Variants in TENM2 observed in about 807,000 individuals in gnomAD.
TENM2 encodes teneurin-2.
Under a neutral mutation model 245.2 loss-of-function variants are expected in TENM2, and 52 were observed. The observed-to-expected ratio is 0.21, with a 90% CI of 0.17 to 0.27. TENM2 has a LOEUF of 0.27. TENM2 is among the 10% of genes least tolerant of loss of function. The pLI, the probability that TENM2 is intolerant of heterozygous loss-of-function variation, is 1.00. For missense variants in TENM2, 3,046 were observed against 3,666.8 expected, an observed-to-expected ratio of 0.83 and a Z score of 4.37; for synonymous variants, 1,363 against 1,438.9, an observed-to-expected ratio of 0.95 and a Z score of 1.19.
chr5:167,508,839 G>A (rs78590614), intron 2 of TENM2, among the ~76,000 whole-genome samples: 1 of 151,862 alleles, frequency 6.6e-6, no homozygotes, highest in Non-Finnish European at 1.5e-5. Context: ...TACATTTTTT[G>A]AGACAGAGTC....
the TENM2 span, among the ~76,000 whole-genome samples, chr5:167,113,167 G>A: frequency 6.6e-6 from 1 of 152,130 alleles, no homozygotes; most frequent in Non-Finnish European, 1.5e-5. Flanking sequence ...GACTCAAAAT[G>A]TTAACTGAGG....
chr5:167,029,172 A>G, the TENM2 span, among the ~76,000 whole-genome samples: 2 of 152,272 alleles, frequency 1.3e-5, no homozygotes, highest in East Asian at 3.9e-4. Flanking sequence ...GGTATTTGAA[A>G]TCATAGGATT....
At chr5:167,177,788 G>A in the TENM2 span, among the ~76,000 whole-genome samples, 1 of 152,140 alleles carries the variant, frequency 6.6e-6, no homozygotes, top group Non-Finnish European at 1.5e-5. Flanking sequence ...CCCTATAAAG[G>A]AATCTGTATT....
intron 2 of TENM2, among the ~76,000 whole-genome samples, chr5:167,472,145 C>T (rs1000495986): frequency 6.6e-6 from 1 of 152,096 alleles, no homozygotes; most frequent in Non-Finnish European, 1.5e-5. Flanking sequence ...TTTGTTTCCA[C>T]TGAAGACATC....
chr5:167,417,177 C>T (rs1208538070), intron 2 of TENM2, among the ~76,000 whole-genome samples: 1 of 152,134 alleles, frequency 6.6e-6, no homozygotes, highest in African/African-American at 2.4e-5. Flanking sequence ...GGGTGTCTGT[C>T]ACTTCTTCAT....
rs1776184873 is a variant in TENM2 at position 167,596,052 on chromosome 5, A to G, written c.502+220579A>G. On this transcript the variant is annotated intron_variant, in intron 2 of 28. Coordinates refer to ENST00000518659, the Ensembl canonical transcript of TENM2. ...ATTTGATTTTGCCCTTCAGACTTGA[A>G]TTTTTCTCCTAACGCTATTTTGTTC... Among the ~76,000 whole-genome samples, 3 of 152,092 alleles carry G rather than the reference A, an allele frequency of 2.0e-5. No individual in the cohort carries two copies. In the South Asian group the frequency reaches 6.2e-4, roughly 32 times the overall value.
chr5:168,053,122 T>C (rs1789249801), intron 6 of TENM2, among the ~76,000 whole-genome samples: 1 of 152,172 alleles, frequency 6.6e-6, no homozygotes, highest in Non-Finnish European at 1.5e-5. Flanking sequence ...GTCATTATGT[T>C]TGAGCCAAAC....
intron 3 of TENM2, among the ~76,000 whole-genome samples, chr5:167,878,651 A>G (rs541176888): frequency 2.0e-5 from 3 of 152,096 alleles, no homozygotes; most frequent in Admixed American, 6.6e-5. Flanking sequence ...TGGGGATTCT[A>G]TCAAGATTTG....
intron 27 of TENM2, among the ~76,000 whole-genome samples, chr5:168,257,190 T>C (rs569170191): frequency 1.3e-5 from 2 of 149,622 alleles, no homozygotes; most frequent in Non-Finnish European, 3.0e-5. Flanking sequence ...ACAATAAATG[T>C]GGAAATGACA....
At chr5:167,840,798 ATG>A (rs1769435820) in intron 2 of TENM2, among the ~76,000 whole-genome samples, 1 of 152,190 alleles carries the variant, frequency 6.6e-6, no homozygotes, top group Admixed American at 6.5e-5. Flanking sequence ...AAATGAATTA[ATG>A]TCAAAAAAAC....
At chr5:167,628,290 TGTG>T (rs1376818194) in intron 2 of TENM2, among the ~76,000 whole-genome samples, 1 of 152,178 alleles carries the variant, frequency 6.6e-6, no homozygotes, top group Non-Finnish European at 1.5e-5. Context: ...CCAAAGACAT[TGTG>T]GTCATATTCT....
intron 7 of TENM2, among the ~76,000 whole-genome samples, chr5:168,066,430 C>T (rs370688791): frequency 2.6e-5 from 4 of 152,110 alleles, no homozygotes; most frequent in African/African-American, 9.7e-5. Context: ...GTCCTAGTGG[C>T]CTTTGTGTGC....
chr5:167,812,885 T>C (rs771833767), intron 2 of TENM2, among the ~76,000 whole-genome samples: 17 of 152,192 alleles, frequency 1.1e-4, no homozygotes, highest in Non-Finnish European at 1.9e-4. Flanking sequence ...AGGGACCCGA[T>C]GCCACACAGA....
the TENM2 span, among the ~76,000 whole-genome samples, chr5:167,073,878 T>A: frequency 6.6e-6 from 1 of 152,312 alleles, no homozygotes; most frequent in Admixed American, 6.5e-5. Context: ...CCCGGTTAAA[T>A]TGTTTCTGCT....
intron 2 of TENM2, among the ~76,000 whole-genome samples, chr5:167,540,075 T>C (rs1772102041): frequency 1.3e-5 from 2 of 152,166 alleles, no homozygotes; most frequent in South Asian, 4.1e-4. Context: ...CAACTTTTAT[T>C]TTTCTTCGAA....
chr5:167,453,197 G>C (rs1317764031), intron 2 of TENM2, among the ~76,000 whole-genome samples: 2 of 151,618 alleles, frequency 1.3e-5, no homozygotes, highest in Non-Finnish European at 2.9e-5. Context: ...GAGTAAAATA[G>C]AAAATAGGAA....
intron 19 of TENM2, among the ~76,000 whole-genome samples, chr5:168,204,935 A>G (rs143558360): frequency 7.2e-5 from 11 of 152,230 alleles, no homozygotes; most frequent in African/African-American, 2.7e-4. Flanking sequence ...GAGAACCACT[A>G]ATGTTCATTT....
At chr5:167,808,502 A>T (rs10780110) in intron 2 of TENM2, among the ~76,000 whole-genome samples, 3 of 152,294 alleles carry the variant, frequency 2.0e-5, no homozygotes, top group South Asian at 2.1e-4. Context: ...TCAGGTGATC[A>T]GCCTACCTCA....
At chr5:167,580,849 C>T (rs1470482847) in intron 2 of TENM2, among the ~76,000 whole-genome samples, 6 of 152,156 alleles carry the variant, frequency 3.9e-5, no homozygotes, top group South Asian at 2.1e-4. Context: ...ATTAGCCGGG[C>T]GTGGTGGCGC....
Sources: gnomAD v4.1 joint callset for allele counts (sites outside exome capture counted in the v4.1 genomes callset) on GRCh38, gnomAD v4.1.1 for gene constraint, MANE v1.5 for transcripts, NCBI Gene and HGNC (gene_info 2026-07-23, HGNC 2026-07-21) for gene names.